Variants in RDH11 observed in about 807,000 individuals in gnomAD.
The protein encoded by RDH11 is HCV core-binding protein HCBP12.
In RDH11, 19 loss-of-function variants were observed where a neutral mutation model predicts 33.4. The ratio of observed to expected loss-of-function variants is 0.57; its 90% CI spans 0.40 to 0.83. The LOEUF is 0.83. Among genes scored for constraint, RDH11 ranks in the 40% least tolerant of loss-of-function variants. The probability of loss-of-function intolerance (pLI) is 0.00; values close to 1 mark genes in which losing one functional copy is unlikely to be tolerated. For missense variants in RDH11, 353 were observed against 389.0 expected, an observed-to-expected ratio of 0.91 and a Z score of 0.78; for synonymous variants, 154 against 155.3, an observed-to-expected ratio of 0.99 and a Z score of 0.06.
chr14:67,688,681 G>A (rs558832007), intron 5 of RDH11, among the ~76,000 whole-genome samples: 33 of 150,750 alleles, frequency 2.2e-4, no homozygotes, highest in Admixed American at 1.7e-3. Flanking sequence ...GTGATCCTCC[G>A]GTTTTGGCCT....
chr14:67,689,497 A>T (rs1328533734), intron 5 of RDH11, among the ~76,000 whole-genome samples: 1 of 152,082 alleles, frequency 6.6e-6, no homozygotes, highest in Admixed American at 6.6e-5. Flanking sequence ...TACCTGTTTT[A>T]GTCTACTGCC....
In RDH11 at chr14:67,692,607, T is replaced by C. The variant is rs2140083140; in HGVS notation, c.194-14A>G. ...ATACTCGAGCTCCTGTCAGCCAACATATGAAAGAGAAATGGTCAGCTCTGT... is the reference window on the plus strand; with the variant it reads ...ATACTCGAGCTCCTGTCAGCCAACACATGAAAGAGAAATGGTCAGCTCTGT... On this transcript the variant is annotated splice_polypyrimidine_tract_variant and intron_variant, in intron 2 of 6. Transcript: ENST00000381346. The C allele has an allele frequency of 5.2e-6, 8 of 1,541,708 alleles. No homozygotes were observed. The highest frequency in any genetic ancestry group is 7.0e-6 in the Non-Finnish European group (8 of 1,149,424).
chr14:67,695,521 T>G, intron 1 of RDH11, 109 bp downstream of exon 1: 1 of 1,114,658 alleles, frequency 9.0e-7, no homozygotes, highest in South Asian at 1.6e-5. Context: ...CTCCGCCATC[T>G]TGGAGCCCCC....
At chr14:67,694,955 C>T (rs2037810399) in intron 1 of RDH11, among the ~76,000 whole-genome samples, 1 of 152,148 alleles carries the variant, frequency 6.6e-6, no homozygotes, top group South Asian at 2.1e-4. Context: ...CACTGGGGCA[C>T]TTGGCCAGCC....
chr14:67,687,762 C>A (rs1289009374), intron 5 of RDH11, among the ~76,000 whole-genome samples: 1 of 150,846 alleles, frequency 6.6e-6, no homozygotes, highest in Non-Finnish European at 1.5e-5. Flanking sequence ...TGAGCCACCA[C>A]GTCCGGCCCT....
At chr14:67,695,483 C>T (rs1471484581) in intron 1 of RDH11, 147 bp downstream of exon 1, 2 of 706,870 alleles carry the variant, frequency 2.8e-6, no homozygotes, top group Non-Finnish European at 4.6e-6. Context: ...GACAGCTGGA[C>T]CTCGCCTCCA....
intron 1 of RDH11, among the ~76,000 whole-genome samples, 184 bp downstream of exon 1, chr14:67,695,446 G>C (rs1012279620): frequency 3.9e-5 from 6 of 152,224 alleles, no homozygotes; most frequent in Non-Finnish European, 7.3e-5. Flanking sequence ...CACCGCCTGG[G>C]GTCTCGGGTG....
chr14:67,689,952 A>T, intron 5 of RDH11: 1 of 388,506 alleles, frequency 2.6e-6, no homozygotes, highest in Non-Finnish European at 4.8e-6. Flanking sequence ...CTCAAAAAAA[A>T]AAAAAGTTAA....
intron 5 of RDH11, among the ~76,000 whole-genome samples, chr14:67,687,358 C>T (rs370649401): frequency 6.6e-6 from 1 of 152,120 alleles, no homozygotes; most frequent in Admixed American, 6.6e-5. Context: ...CTTTATTACT[C>T]TTGCTTTCTA....
intron 1 of RDH11, 134 bp downstream of exon 1, chr14:67,695,496 C>T: frequency 1.2e-6 from 1 of 820,692 alleles, no homozygotes; most frequent in Non-Finnish European, 1.9e-6. Context: ...CGCCTCCAAC[C>T]CACCGAACTC....
chr14:67,689,667 G>A (rs1374241421), intron 5 of RDH11, among the ~76,000 whole-genome samples: 3 of 152,218 alleles, frequency 2.0e-5, no homozygotes, highest in African/African-American at 7.2e-5. Flanking sequence ...GTAATGGCCA[G>A]GTGCGGTGGC....
intron 5 of RDH11, among the ~76,000 whole-genome samples, chr14:67,689,647 T>TA (rs1466068246): frequency 6.6e-6 from 1 of 152,058 alleles, no homozygotes. Flanking sequence ...AAGGAAGTCC[T>TA]AAAAGTTAAG....
chr14:67,682,556 C>G (rs1240151528), intron 6 of RDH11, among the ~76,000 whole-genome samples: 1 of 152,142 alleles, frequency 6.6e-6, no homozygotes, highest in African/African-American at 2.4e-5. Flanking sequence ...CAAGATATTC[C>G]TTCATACTCA....
At chr14:67,683,312 A>G (rs181809728) in intron 6 of RDH11, among the ~76,000 whole-genome samples, 138 of 152,284 alleles carry the variant, frequency 9.1e-4, no homozygotes, top group African/African-American at 3.1e-3. Flanking sequence ...TCTCTAGGGA[A>G]GAAGAATCCA....
intron 5 of RDH11, among the ~76,000 whole-genome samples, chr14:67,688,010 T>C (rs974533227): frequency 6.6e-6 from 1 of 152,110 alleles, no homozygotes; most frequent in Admixed American, 6.6e-5. Flanking sequence ...TGACCTCAGG[T>C]GATCCACCAG....
In RDH11 at chr14:67,685,079, C is replaced by CT; in HGVS notation, c.789dup (p.Ala264SerfsTer14). 1 of 1,614,116 alleles carries CT rather than the reference C, an allele frequency of 6.2e-7. No individual in the cohort carries two copies. The highest frequency in any genetic ancestry group is 8.5e-7 in the Non-Finnish European group (1 of 1,180,014). On this transcript the variant is annotated frameshift_variant, in exon 6 of 7. Coordinates refer to ENST00000381346, the MANE Select transcript of RDH11 (RefSeq NM_016026.4). LOFTEE classifies it high-confidence loss of function. ...AAGGCACAGTGCAGGCTGGTCTGGG[C>CT]TCCCTGCTGAGGAGTCTTGATGAAA...
intron 5 of RDH11, 87 bp downstream of exon 5, chr14:67,690,125 A>G (rs55790812): frequency 0.54 from 642,272 of 1,181,398 alleles, 185,093 homozygotes; most frequent in Non-Finnish European, 0.61. Flanking sequence ...TCTCCAGGTG[A>G]TGGGCTCTGG....
intron 4 of RDH11, 134 bp downstream of exon 4, chr14:67,691,006 C>A (rs2037742434): frequency 1.5e-6 from 1 of 670,222 alleles, no homozygotes. Flanking sequence ...CAGGTAGGAC[C>A]AAACTATTAT....
intron 5 of RDH11, among the ~76,000 whole-genome samples, chr14:67,686,708 T>A (rs1473155135): frequency 6.6e-6 from 1 of 151,686 alleles, no homozygotes; most frequent in Non-Finnish European, 1.5e-5. Flanking sequence ...ACATGCTATT[T>A]CAGGCCCCCA....
Sources: allele counts gnomAD v4.1 joint callset (sites outside exome capture counted in the v4.1 genomes callset), GRCh38; gene constraint gnomAD v4.1.1; transcripts MANE v1.5; gene names NCBI Gene and HGNC (gene_info 2026-07-23, HGNC 2026-07-21).